Variants in STK39 observed in about 807,000 individuals in gnomAD.
The protein encoded by STK39 is serine/threonine kinase 39.
Under a neutral mutation model 77.8 loss-of-function variants are expected in STK39, and 20 were observed. The ratio of observed to expected loss-of-function variants is 0.26; its 90% CI spans 0.18 to 0.37. STK39 has a LOEUF of 0.37. STK39 is among the 10% of genes least tolerant of loss of function. STK39 has a pLI of 1.00. For synonymous variants in STK39, 246 were observed against 234.1 expected (o/e 1.05, Z -0.47); for missense variants, 479 against 656.5 (o/e 0.73, Z 2.95).
At chr2:168,138,760 G>A (rs1425744285) in intron 7 of STK39, among the ~76,000 whole-genome samples, 1 of 152,190 alleles carries the variant, frequency 6.6e-6, no homozygotes, top group Non-Finnish European at 1.5e-5. Flanking sequence ...AAAGCTGAGA[G>A]AGCAGGACAC....
chr2:168,153,816 T>A (rs1236918553), intron 5 of STK39, among the ~76,000 whole-genome samples: 1 of 152,094 alleles, frequency 6.6e-6, no homozygotes, highest in Non-Finnish European at 1.5e-5. Flanking sequence ...ATGTAAGAGT[T>A]GAAATCAATG....
chr2:168,076,472 A>G (rs1404102721), intron 10 of STK39, among the ~76,000 whole-genome samples: 2 of 152,162 alleles, frequency 1.3e-5, no homozygotes, highest in Non-Finnish European at 2.9e-5. Context: ...CAGAACTTAA[A>G]TTTAAATATT....
chr2:168,068,482 C>A (rs1213286583), intron 12 of STK39, among the ~76,000 whole-genome samples: 2 of 152,152 alleles, frequency 1.3e-5, no homozygotes, highest in Non-Finnish European at 2.9e-5. Context: ...GGAACAAATT[C>A]TGGGGCTTAG....
chr2:168,080,893 C>A (rs1686212293), intron 10 of STK39, among the ~76,000 whole-genome samples: 1 of 152,224 alleles, frequency 6.6e-6, no homozygotes, highest in Non-Finnish European at 1.5e-5. Context: ...AGGGTGCAAA[C>A]CCCAAGGCTT....
chr2:168,109,086 C>A (rs1687054857), intron 10 of STK39, among the ~76,000 whole-genome samples: 1 of 152,096 alleles, frequency 6.6e-6, no homozygotes, highest in Non-Finnish European at 1.5e-5. Context: ...ATGACTGGAA[C>A]CTTGGAAGTC....
chr2:168,189,677 ATTT>A (rs1363807605), intron 1 of STK39, among the ~76,000 whole-genome samples: 5 of 152,212 alleles, frequency 3.3e-5, no homozygotes, highest in Non-Finnish European at 5.9e-5. Context: ...ACTTCTAGGC[ATTT>A]TTGTTTTCTT....
intron 5 of STK39, among the ~76,000 whole-genome samples, chr2:168,153,070 A>G (rs567039995): frequency 6.6e-6 from 1 of 152,240 alleles, no homozygotes; most frequent in Non-Finnish European, 1.5e-5. Flanking sequence ...TTTCAGAAGG[A>G]TTAGTTGAAT....
intron 16 of STK39, among the ~76,000 whole-genome samples, chr2:167,996,537 C>A (rs76332960): frequency 0.021 from 3,225 of 152,328 alleles, 111 homozygotes; most frequent in African/African-American, 0.073. Context: ...GCCCCCCAGG[C>A]ATCACGGGTA....
chr2:168,050,551 C>T (rs976014408), intron 14 of STK39, among the ~76,000 whole-genome samples: 1 of 152,190 alleles, frequency 6.6e-6, no homozygotes, highest in Non-Finnish European at 1.5e-5. Flanking sequence ...AGAAAGAGAT[C>T]TTGCTTGTGT....
intron 16 of STK39, among the ~76,000 whole-genome samples, chr2:167,997,541 G>C (rs566844267): frequency 7.9e-4 from 121 of 152,302 alleles, no homozygotes; most frequent in African/African-American, 2.7e-3. Context: ...GGCCTAGAGA[G>C]ATGAACTAAC....
At chr2:168,042,569 C>T (rs1378618727) in intron 14 of STK39, among the ~76,000 whole-genome samples, 1 of 145,130 alleles carries the variant, frequency 6.9e-6, no homozygotes, top group African/African-American at 2.5e-5. Flanking sequence ...ATTCTATCTT[C>T]CTTCCTTCTT....
At position 168,140,914 on chromosome 2, in the gene STK39, C is replaced by T. The variant is rs932618135; in HGVS notation, c.629-156G>A. ...CTCTCTCAGGAAAAAAAAGGAAGAC[C>T]TGCCCTCTGCTATCCCCTACACCTT... On this transcript the variant is annotated intron_variant, in intron 5 of 17. Coordinates refer to ENST00000355999, the MANE Select transcript of STK39 (RefSeq NM_013233.3). Among the ~76,000 whole-genome samples the T allele has an allele frequency of 2.0e-5, 3 of 152,114 alleles. No individual in the cohort carries two copies. In the South Asian group the frequency reaches 6.2e-4, roughly 32 times the overall value.
At position 168,202,912 on chromosome 2, in the gene STK39, A is replaced by C. The variant is rs1035545641; in HGVS notation, c.209-20822T>G. On this transcript the variant is annotated intron_variant, in intron 1 of 17. Transcript: ENST00000355999. ...AACAAACGGAAGCATGCAGGACTCA[A>C]GTCAGATATACTGATGAGTGCAATG... Among the ~76,000 whole-genome samples, 5 of 152,190 alleles carry C rather than the reference A, an allele frequency of 3.3e-5. No homozygotes were observed. In the South Asian group the frequency reaches 1.0e-3, roughly 32 times the overall value.
At position 168,171,175 on chromosome 2, in the gene STK39, G is replaced by A. The variant is rs543822456; in HGVS notation, c.322-3768C>T. Among the ~76,000 whole-genome samples, 125 of 152,262 alleles carry A rather than the reference G, an allele frequency of 8.2e-4. 1 individual carries two copies. Among genetic ancestry groups the A allele is most frequent in the Non-Finnish European group, 9.6e-4 (65 of 68,018 alleles). ...ATCACAAGTGAAATTTCACAAGAGT[G>A]GGAAGACCAACCTTAAAATGGGGTA... On this transcript the variant is annotated intron_variant, in intron 2 of 17. Transcript: ENST00000355999.
At chr2:168,154,389 C>T (rs1478230243) in intron 5 of STK39, among the ~76,000 whole-genome samples, 5 of 152,144 alleles carry the variant, frequency 3.3e-5, no homozygotes, top group African/African-American at 1.2e-4. Flanking sequence ...TTAATGACCA[C>T]TGGGGGCCTA....
At chr2:168,066,528 A>G (rs1685800099) in intron 12 of STK39, among the ~76,000 whole-genome samples, 1 of 152,260 alleles carries the variant, frequency 6.6e-6, no homozygotes, top group Non-Finnish European at 1.5e-5. Flanking sequence ...GGGTGATTCC[A>G]CAATCTTAAT....
Position 167,954,754 on chromosome 2 carries a change from G to C in STK39, c.*742C>G, listed in dbSNP as rs1350580871. 1 of 152,556 alleles carries C rather than the reference G, an allele frequency of 6.6e-6. No individual in the cohort carries two copies. The highest frequency in any genetic ancestry group is 1.9e-4 in the East Asian group (1 of 5,186). The allele number at this position is 152,556 out of a possible 1,614,324, so 9.5% of individuals were successfully genotyped here. On this transcript the variant is annotated 3_prime_UTR_variant, in exon 18 of 18. Transcript: ENST00000355999. ...CCAAGAGACAGTCAGATTGTAAATTGGTTTTTAGGCAAACAGACTAAAAGA... is the reference window on the plus strand; with the variant it reads ...CCAAGAGACAGTCAGATTGTAAATTCGTTTTTAGGCAAACAGACTAAAAGA...
intron 15 of STK39, among the ~76,000 whole-genome samples, chr2:168,015,545 C>T (rs770094090): frequency 3.3e-5 from 5 of 152,182 alleles, no homozygotes; most frequent in African/African-American, 4.8e-5. Context: ...GCGGCAAAAG[C>T]GGCTGCCAAA....
At chr2:167,987,152 T>C (rs964805518) in intron 16 of STK39, among the ~76,000 whole-genome samples, 24 of 152,142 alleles carry the variant, frequency 1.6e-4, no homozygotes, top group Admixed American at 1.1e-3. Context: ...CTACAATCAA[T>C]TCATAGTTCA....
Sources: allele counts gnomAD v4.1 joint callset (sites outside exome capture counted in the v4.1 genomes callset), GRCh38; gene constraint gnomAD v4.1.1; transcripts MANE v1.5; gene names NCBI Gene and HGNC (gene_info 2026-07-23, HGNC 2026-07-21).